TMEM204: variants seen among roughly 807,000 people sequenced by gnomAD.
The protein encoded by TMEM204 is transmembrane protein 204, also known as claudin-like protein 24.
In TMEM204, 15 loss-of-function variants were observed where a neutral mutation model predicts 19.4. The ratio of observed to expected loss-of-function variants is 0.77; its 90% CI spans 0.52 to 1.19. The LOEUF (loss-of-function observed/expected upper bound fraction) is 1.19, where lower values mean the gene tolerates loss of function less well. TMEM204 is among the 50% of genes most tolerant of loss of function. The pLI is 0.00. For synonymous variants in TMEM204, 161 were observed against 146.0 expected, an observed-to-expected ratio of 1.10 and a Z score of -0.74; for missense variants, 287 against 321.2, an observed-to-expected ratio of 0.89 and a Z score of 0.81.
chr16:1,545,752 C>T (rs1170240907), intron 2 of TMEM204, among the ~76,000 whole-genome samples: 1 of 152,240 alleles, frequency 6.6e-6, no homozygotes, highest in Non-Finnish European at 1.5e-5. Flanking sequence ...GTGCAGCACA[C>T]TGAAAGGAAG....
chr16:1,549,471 G>A (rs2032456951), intron 2 of TMEM204, among the ~76,000 whole-genome samples: 1 of 152,228 alleles, frequency 6.6e-6, no homozygotes, highest in Non-Finnish European at 1.5e-5. Flanking sequence ...TTGTTGCCCA[G>A]GCTGGAGGGC....
At chr16:1,549,066 C>T (rs1309733451) in intron 2 of TMEM204, among the ~76,000 whole-genome samples, 2 of 152,210 alleles carry the variant, frequency 1.3e-5, no homozygotes, top group Non-Finnish European at 2.9e-5. Context: ...ACGAGGGCAA[C>T]GTCCCGTTTT....
intron 2 of TMEM204, among the ~76,000 whole-genome samples, chr16:1,552,280 C>T (rs1029427031): frequency 2.0e-5 from 3 of 152,090 alleles, no homozygotes; most frequent in Non-Finnish European, 4.4e-5. Context: ...GGGCTTGCAT[C>T]GCCCCCCTGC....
rs891434724 is a variant in TMEM204 at position 1,534,143 on chromosome 16, C to T, written c.-133C>T. The stretch of plus-strand genomic sequence containing the variant: ...GGCACACCTGGACCATCCCATGGGC[C>T]TCCGCCCGCGCCGCCCCGAGGATGA... On this transcript the variant is annotated 5_prime_UTR_variant, in exon 1 of 3. Coordinates refer to ENST00000566264, the MANE Select transcript of TMEM204 (RefSeq NM_024600.6). 19 of 1,196,794 alleles carry T rather than the reference C, an allele frequency of 1.6e-5. No individual in the cohort carries two copies. The African/African-American group carries it at 2.5e-4, about 16-fold the overall frequency. The allele number at this position is 1,196,794 out of a possible 1,614,324, so 74.1% of individuals were successfully genotyped here. A position where few individuals can be genotyped will look rare whatever the true frequency, so the allele number is the denominator to read the frequency against.
intron 2 of TMEM204, chr16:1,552,891 G>T: frequency 1.2e-6 from 1 of 840,218 alleles, no homozygotes; most frequent in Non-Finnish European, 1.4e-6. Flanking sequence ...GTGACCTCGT[G>T]ATCCACCCGC....
At chr16:1,539,824 G>A (rs2031457645) in intron 1 of TMEM204, among the ~76,000 whole-genome samples, 1 of 152,216 alleles carries the variant, frequency 6.6e-6, no homozygotes, top group African/African-American at 2.4e-5. Flanking sequence ...GGCTCATGGT[G>A]CCATGTGCTG....
chr16:1,542,113 C>T, intron 2 of TMEM204, 37 bp downstream of exon 2: 1 of 1,532,486 alleles, frequency 6.5e-7, no homozygotes, highest in Non-Finnish European at 8.8e-7. Context: ...CGCGCCCTTG[C>T]CCCCTGTGGC....
In TMEM204 at chr16:1,534,607, A is replaced by C. The variant is rs768319235; in HGVS notation, c.280+52A>C. On this transcript the variant is annotated intron_variant, in intron 1 of 2. Coordinates refer to ENST00000566264, the MANE Select transcript of TMEM204 (RefSeq NM_024600.6). Reference sequence around the variant, plus strand: ...TTCAGCGTGGCCGAGGCTCGAGGGCACATGGGAGATGTTAGGCGCGGACCT... The same window carrying C: ...TTCAGCGTGGCCGAGGCTCGAGGGCCCATGGGAGATGTTAGGCGCGGACCT... The C allele has an allele frequency of 8.2e-6, 13 of 1,594,436 alleles. 1 individual carries two copies. In the South Asian group the frequency reaches 1.1e-4, roughly 13 times the overall value.
At chr16:1,549,071 C>T (rs915820474) in intron 2 of TMEM204, among the ~76,000 whole-genome samples, 2 of 152,196 alleles carry the variant, frequency 1.3e-5, no homozygotes, top group African/African-American at 4.8e-5. Flanking sequence ...GGCAACGTCC[C>T]GTTTTCACCG....
intron 2 of TMEM204, among the ~76,000 whole-genome samples, chr16:1,544,610 G>T (rs147664101): frequency 3.3e-5 from 5 of 152,158 alleles, no homozygotes; most frequent in Admixed American, 3.3e-4. Flanking sequence ...AATTACAAAC[G>T]TGTGCTACTG....
At chr16:1,549,964 C>CT (rs1246203513) in intron 2 of TMEM204, among the ~76,000 whole-genome samples, 1 of 152,188 alleles carries the variant, frequency 6.6e-6, no homozygotes, top group Admixed American at 6.5e-5. Flanking sequence ...CATTCTGAGT[C>CT]TTTTTTTCTT....
Position 1,555,180 on chromosome 16 carries a change from G to T in TMEM204, c.*154G>T. On this transcript the variant is annotated 3_prime_UTR_variant, in exon 3 of 3. Coordinates refer to ENST00000566264, the MANE Select transcript of TMEM204 (RefSeq NM_024600.6). ...CGCCATGCGTGCGAGACACGTGTGC[G>T]TTTACTGTTATGTCGGTCATATGTC... 1 of 925,536 alleles carries T rather than the reference G, an allele frequency of 1.1e-6. No homozygotes were observed. Among genetic ancestry groups the T allele is most frequent in the Non-Finnish European group, 1.6e-6 (1 of 634,264 alleles). 57.3% of individuals were successfully genotyped at this position (925,536 alleles called of 1,614,324 possible).
At chr16:1,545,084 T>C (rs975102828) in intron 2 of TMEM204, among the ~76,000 whole-genome samples, 1 of 152,250 alleles carries the variant, frequency 6.6e-6, no homozygotes, top group African/African-American at 2.4e-5. Context: ...TGTTTCTAAA[T>C]GTATTTTAAA....
rs569268121 is a variant in TMEM204, at chr16:1,540,882, C to T, written c.281-1039C>T. 14 of 985,440 alleles carry T rather than the reference C, an allele frequency of 1.4e-5. No homozygotes were observed. In the African/African-American group the frequency reaches 1.9e-4, roughly 13 times the overall value. The allele number at this position is 985,440 out of a possible 1,614,324, so 61.0% of individuals were successfully genotyped here. A position where few individuals can be genotyped will look rare whatever the true frequency, so the allele number is the denominator to read the frequency against. On this transcript the variant is annotated intron_variant, in intron 1 of 2. Transcript: ENST00000566264. ...TAGGGACTCTGTGGGGCTGTTGCTT[C>T]ACATGCAGTCCCTGACTCCAGGCTG...
upstream of TMEM204, chr16:1,533,358 G>C (rs2030709553): frequency 1.3e-5 from 2 of 151,794 alleles, no homozygotes; most frequent in African/African-American, 4.9e-5. This position sits in a 1 kb window ranked among gnomAD's most constrained non-coding sequence, Gnocchi z 4.7. Flanking sequence ...TGGATGGCTG[G>C]GGGGTGTGAA....
In TMEM204 at chr16:1,546,157, G is replaced by A. The variant is rs548522841; in HGVS notation, c.436+4081G>A. Among the ~76,000 whole-genome samples the A allele has an allele frequency of 5.2e-3, 791 of 152,336 alleles. 2 individuals carry two copies. The highest frequency in any genetic ancestry group is 8.6e-3 in the Non-Finnish European group (586 of 68,032). ...GGAAAGGAGTATTGAAGGGGGTCAG[G>A]GCAAGTTGCCAATGGAAGGTAAAAG... On this transcript the variant is annotated intron_variant, in intron 2 of 2. Transcript: ENST00000566264.
At position 1,555,217 on chromosome 16, in the gene TMEM204, T is replaced by C. The variant is rs999808317; in HGVS notation, c.*191T>C. The C allele has an allele frequency of 1.0e-5, 7 of 702,048 alleles. No homozygotes were observed. Among genetic ancestry groups the C allele is most frequent in the Non-Finnish European group, 1.6e-5 (7 of 438,812 alleles). The allele number at this position is 702,048 out of a possible 1,614,324, so 43.5% of individuals were successfully genotyped here. A position where few individuals can be genotyped will look rare whatever the true frequency, so the allele number is the denominator to read the frequency against. ...GTCGGTCATATGTCTGTACGTGTCG[T>C]GGGCCAACCTCGTTCTGCCTCCAGC... On this transcript the variant is annotated 3_prime_UTR_variant, in exon 3 of 3. Transcript: ENST00000566264.
Position 1,533,961 on chromosome 16 carries a change from C to A in TMEM204, c.-315C>A. 1 of 423,664 alleles carries A rather than the reference C, an allele frequency of 2.4e-6. No individual in the cohort carries two copies. Among genetic ancestry groups the A allele is most frequent in the Non-Finnish European group, 4.2e-6 (1 of 237,796 alleles). 26.2% of individuals were successfully genotyped at this position (423,664 alleles called of 1,614,324 possible). Reference sequence around the variant, plus strand: ...GAGAAGAGGCACGCGCGGCACAGGCCGGCCTCCGCTTCCCGGGAAGACGGC... The same window carrying A: ...GAGAAGAGGCACGCGCGGCACAGGCAGGCCTCCGCTTCCCGGGAAGACGGC... On this transcript the variant is annotated 5_prime_UTR_variant, in exon 1 of 3. Coordinates refer to ENST00000566264, the MANE Select transcript of TMEM204 (RefSeq NM_024600.6). The surrounding 1 kb of genome is among the most constrained non-coding windows in gnomAD (Gnocchi z 4.7).
rs1409919418 is a variant in TMEM204, at chr16:1,551,034, G to C, written c.437-3748G>C. ...TCTGGCCAAAGGGCTCTGTCCCTTT[G>C]AGGGGTCCTGGTCACTCAACTGCCA... On this transcript the variant is annotated intron_variant, in intron 2 of 2. Coordinates refer to ENST00000566264, the MANE Select transcript of TMEM204 (RefSeq NM_024600.6). This position sits in a 1 kb window ranked among gnomAD's most constrained non-coding sequence, Gnocchi z 4.0. Among the ~76,000 whole-genome samples the C allele has an allele frequency of 2.6e-5, 4 of 152,214 alleles. No individual in the cohort carries two copies. Among genetic ancestry groups the C allele is most frequent in the African/African-American group, 9.6e-5 (4 of 41,456 alleles).
Sources: gnomAD v4.1 joint callset for allele counts (sites outside exome capture counted in the v4.1 genomes callset) on GRCh38, gnomAD v4.1.1 for gene constraint, Gnocchi (gnomAD v3.1) non-coding constraint, MANE v1.5 for transcripts, NCBI Gene and HGNC (gene_info 2026-07-23, HGNC 2026-07-21) for gene names.